LRRC28: variants seen among roughly 807,000 people sequenced by gnomAD.
The protein encoded by LRRC28 is leucine rich repeat containing 28.
Under a neutral mutation model 45.7 loss-of-function variants are expected in LRRC28, and 39 were observed. The ratio of observed to expected loss-of-function variants is 0.85; its 90% CI spans 0.66 to 1.12. The LOEUF (loss-of-function observed/expected upper bound fraction) is 1.12. LRRC28 is among the 50% of genes most tolerant of loss of function. The probability of loss-of-function intolerance (pLI) is 0.00; values close to 1 mark genes in which losing one functional copy is unlikely to be tolerated. For synonymous variants in LRRC28, 206 were observed against 178.8 expected, an observed-to-expected ratio of 1.15 and a Z score of -1.22; for missense variants, 435 against 438.5, an observed-to-expected ratio of 0.99 and a Z score of 0.07.
intron 2 of LRRC28, among the ~76,000 whole-genome samples, chr15:99,272,940 A>T (rs986519659): frequency 6.6e-6 from 1 of 152,206 alleles, no homozygotes; most frequent in African/African-American, 2.4e-5. Flanking sequence ...ATGGATTAGG[A>T]TACACTAGTT....
At chr15:99,356,506 G>A (rs1164397994) in intron 7 of LRRC28, among the ~76,000 whole-genome samples, 1 of 152,114 alleles carries the variant, frequency 6.6e-6, no homozygotes, top group Admixed American at 6.5e-5. Flanking sequence ...AGGACACATA[G>A]AAAAGACATT....
intron 9 of LRRC28, among the ~76,000 whole-genome samples, chr15:99,366,883 T>TA (rs113516264): frequency 0.29 from 44,512 of 151,216 alleles, 6,556 homozygotes; most frequent in East Asian, 0.37. Flanking sequence ...CCCACTGAGA[T>TA]AAAAAAAAAT....
intron 5 of LRRC28, among the ~76,000 whole-genome samples, chr15:99,304,694 G>T (rs1050818775): frequency 6.6e-6 from 1 of 152,008 alleles, no homozygotes; most frequent in African/African-American, 2.4e-5. Flanking sequence ...TGACCCACCT[G>T]CCTGTGCCTC....
At position 99,389,654 on chromosome 15, in the gene LRRC28, C is replaced by T. The variant is rs1958126496; in HGVS notation, c.*3552C>T. 2 of 152,272 alleles carry T rather than the reference C, an allele frequency of 1.3e-5. No individual in the cohort carries two copies. The highest frequency in any genetic ancestry group is 4.8e-5 in the African/African-American group (2 of 41,546). The allele number at this position is 152,272 out of a possible 1,614,324, so 9.4% of individuals were successfully genotyped here. A position where few individuals can be genotyped will look rare whatever the true frequency, so the allele number is the denominator to read the frequency against. ...AGACTCTTCTTTAAATGGATCCTTA[C>T]ATTACCCTGCCTGTTTTATTATGCC... On this transcript the variant is annotated 3_prime_UTR_variant, in exon 10 of 10. Transcript: ENST00000301981.
chr15:99,374,867 C>T (rs544442308), intron 9 of LRRC28, among the ~76,000 whole-genome samples: 1 of 151,652 alleles, frequency 6.6e-6, no homozygotes, highest in South Asian at 2.1e-4. Context: ...CAGGGTTTTA[C>T]TGTATTAGTC....
chr15:99,287,378 C>G (rs978882356), intron 4 of LRRC28, 84 bp downstream of exon 4: 1 of 1,057,348 alleles, frequency 9.5e-7, no homozygotes, highest in African/African-American at 1.7e-5. Context: ...ATTTTTAAGA[C>G]ACCTTTAATT....
intron 5 of LRRC28, among the ~76,000 whole-genome samples, chr15:99,300,433 T>C (rs2082367465): frequency 6.6e-6 from 1 of 152,138 alleles, no homozygotes; most frequent in South Asian, 2.1e-4. Flanking sequence ...AATATTCAAT[T>C]GAGTAATCAA....
At chr15:99,359,131 A>G (rs190233958) in intron 7 of LRRC28, among the ~76,000 whole-genome samples, 32 of 152,252 alleles carry the variant, frequency 2.1e-4, no homozygotes, top group African/African-American at 7.2e-4. Context: ...AAACTTTAGG[A>G]TAATATATGC....
chr15:99,327,803 T>C (rs1280724568), intron 5 of LRRC28, among the ~76,000 whole-genome samples: 2 of 152,142 alleles, frequency 1.3e-5, no homozygotes, highest in African/African-American at 4.8e-5. Flanking sequence ...AGGTGGAAGC[T>C]TAGGAAATGG....
chr15:99,321,605 C>T lies in LRRC28; in HGVS notation c.386-12318C>T, dbSNP rs999031071. ...TTTTCCTCCAAGGATTTGTGAGTTTCCTCAAAAGTCCACAACTGTTGTAAT... is the reference window on the plus strand; with the variant it reads ...TTTTCCTCCAAGGATTTGTGAGTTTTCTCAAAAGTCCACAACTGTTGTAAT... On this transcript the variant is annotated intron_variant, in intron 5 of 9. Coordinates refer to ENST00000301981, the MANE Select transcript of LRRC28 (RefSeq NM_144598.5). 2.6e-5 allele frequency among the ~76,000 whole-genome samples: 4 copies of T among 152,248 alleles called. No homozygotes were observed. The South Asian group carries it at 8.3e-4, about 32-fold the overall frequency.
intron 5 of LRRC28, among the ~76,000 whole-genome samples, chr15:99,291,859 A>G (rs2082130403): frequency 6.6e-6 from 1 of 152,222 alleles, no homozygotes. Flanking sequence ...TTGTTTAGCC[A>G]TCATAGTGGG....
At chr15:99,384,189 GT>G (rs1422578676) in intron 9 of LRRC28, 1 of 152,162 alleles carries the variant, frequency 6.6e-6, no homozygotes, top group Non-Finnish European at 1.5e-5. Flanking sequence ...GTCCTGAAAA[GT>G]TTTTAGGTAA....
chr15:99,362,968 TATCA>T (rs1957243484), intron 8 of LRRC28, 134 bp from the exon 9 acceptor site: 4 of 925,020 alleles, frequency 4.3e-6, no homozygotes, highest in Non-Finnish European at 4.8e-6. Flanking sequence ...ATTCAGTGTG[TATCA>T]ATCAGATAAC....
intron 6 of LRRC28, among the ~76,000 whole-genome samples, chr15:99,350,658 T>G (rs764183611): frequency 2.0e-5 from 3 of 152,212 alleles, no homozygotes; most frequent in Admixed American, 2.0e-4. Flanking sequence ...TCTAAAAACC[T>G]CCTGATTCAG....
At chr15:99,284,843 T>C in intron 3 of LRRC28, 1 of 556,960 alleles carries the variant, frequency 1.8e-6, no homozygotes, top group South Asian at 1.4e-5. Flanking sequence ...CATTACCAAA[T>C]CCATTGTAGC....
At chr15:99,282,334 G>T (rs2081827153) in intron 3 of LRRC28, among the ~76,000 whole-genome samples, 1 of 151,900 alleles carries the variant, frequency 6.6e-6, no homozygotes, top group African/African-American at 2.4e-5. Flanking sequence ...TCCAGAATTT[G>T]CCCCTAGGGT....
chr15:99,354,061 A>T (rs1213030356), intron 7 of LRRC28: 2 of 152,238 alleles, frequency 1.3e-5, no homozygotes, highest in African/African-American at 4.8e-5. Flanking sequence ...TAAAATTATT[A>T]ACAGGATAGT....
At chr15:99,279,852 C>A (rs1479014137) in intron 3 of LRRC28, among the ~76,000 whole-genome samples, 1 of 152,152 alleles carries the variant, frequency 6.6e-6, no homozygotes, top group Non-Finnish European at 1.5e-5. Flanking sequence ...TCTTACTCTA[C>A]CACTGTTGCT....
At chr15:99,253,020 G>A (rs143709981) in intron 1 of LRRC28, among the ~76,000 whole-genome samples, 199 of 152,206 alleles carry the variant, frequency 1.3e-3, no homozygotes, top group Non-Finnish European at 1.8e-3. Context: ...CAGATGCAAC[G>A]ATAAATATTT....
Sources: allele counts gnomAD v4.1 joint callset (sites outside exome capture counted in the v4.1 genomes callset), GRCh38; gene constraint gnomAD v4.1.1; transcripts MANE v1.5; gene names NCBI Gene and HGNC (gene_info 2026-07-23, HGNC 2026-07-21).